The following ZAN variants were observed in gnomAD, a reference collection of about 807,000 sequenced individuals.
ZAN encodes zonadhesin (gene/pseudogene).
Under a neutral mutation model 286.2 loss-of-function variants are expected in ZAN, and 260 were observed. That is an observed-to-expected ratio of 0.91 (90% CI 0.82 to 1.01). ZAN has a LOEUF of 1.01. ZAN is among the 50% of genes least tolerant of loss of function. The pLI, the probability that ZAN is intolerant of heterozygous loss-of-function variation, is 0.00. For missense variants in ZAN, 3,410 were observed against 3,639.2 expected, an observed-to-expected ratio of 0.94 and a Z score of 1.62; for synonymous variants, 1,368 against 1,417.5, an observed-to-expected ratio of 0.97 and a Z score of 0.79.
Position 100,790,971 on chromosome 7 carries a change from C to T in ZAN, c.7387C>T (p.Leu2463Phe), listed in dbSNP as rs201718931. ...CTCCCTACCCAGCATGTACGAGGGG[C>T]TTGTGAGTGGCCTGTGCGGAAACTA... ...VISLPSMYEGLVSGLCGNYDK... is the reference protein window; with the variant it reads ...VISLPSMYEGFVSGLCGNYDK... The change falls in exon 40 of 48, where the codon CTT becomes TTT. Residue 2463 changes from leucine (L) to phenylalanine (F), a missense_variant. By Grantham distance (22) the Leu-to-Phe change is conservative. This residue lies in a region of ZAN where 1,289 missense variants were observed against 1,314.3 expected (regional missense o/e 0.98). Coordinates refer to ENST00000613979, the MANE Select transcript of ZAN (RefSeq NM_003386.3). The T allele has an allele frequency of 6.5e-4, 1,048 of 1,612,024 alleles. 1 individual carries two copies. Among genetic ancestry groups the T allele is most frequent in the Admixed American group, 1.1e-3 (63 of 59,730 alleles).
chr7:100,794,896 G>A (rs1812245956), intron 44 of ZAN, among the ~76,000 whole-genome samples: 1 of 150,714 alleles, frequency 6.6e-6, no homozygotes, highest in African/African-American at 2.4e-5. Context: ...AAGGAAGGGA[G>A]GGAGGAGAGG....
rs1171357883 is a variant in ZAN at position 100,751,250 on chromosome 7, T to C, written c.1590T>C (p.Asn530=). The C allele has an allele frequency of 6.2e-7, 1 of 1,604,028 alleles. No individual in the cohort carries two copies. The highest frequency in any genetic ancestry group is 8.5e-7 in the Non-Finnish European group (1 of 1,175,588). The change falls in exon 13 of 48, where the codon AAT becomes AAC. Residue 530 remains asparagine, a synonymous_variant. Coordinates refer to ENST00000613979, the MANE Select transcript of ZAN (RefSeq NM_003386.3). ...TTGCTATGGGTTTCATCTTGATCAA[T>C]CCTGGGACTTGTCCAGGTAAGACCA... The part of the protein sequence containing the change: ...SVVAMGFILI[N]PGTCPVKVLP...
At chr7:100,780,847 T>C (rs933234662) in intron 35 of ZAN, among the ~76,000 whole-genome samples, 1 of 151,866 alleles carries the variant, frequency 6.6e-6, no homozygotes, top group Non-Finnish European at 1.5e-5. Context: ...CCAAGCACTT[T>C]GGGAGTCCAA....
At chr7:100,796,051 G>A (rs1164510632) in intron 45 of ZAN, among the ~76,000 whole-genome samples, 1 of 152,090 alleles carries the variant, frequency 6.6e-6, no homozygotes, top group African/African-American at 2.4e-5. Flanking sequence ...CTGCGCTCCA[G>A]CCTGGGCGAC....
At chr7:100,768,778 G>C in intron 27 of ZAN, 57 bp downstream of exon 27, 1 of 1,462,104 alleles carries the variant, frequency 6.8e-7, no homozygotes, top group Non-Finnish European at 9.3e-7. Context: ...AAGGGCCTCG[G>C]GGGGCAGCTT....
intron 31 of ZAN, among the ~76,000 whole-genome samples, chr7:100,774,454 T>G (rs151046272): frequency 1.3e-5 from 2 of 152,168 alleles, no homozygotes; most frequent in African/African-American, 4.8e-5. Flanking sequence ...GAGAATCACT[T>G]GAGGCTAGTA....
rs374126158 is a variant in ZAN at position 100,790,334 on chromosome 7, A to C, written c.7358-608A>C. On this transcript the variant is annotated intron_variant, in intron 39 of 47. Transcript: ENST00000613979. ...TCCCAGCACTTTGGGAGGCCGAGGC[A>C]GGCAGATCACGAGGTCAGGAGATCG... Among the ~76,000 whole-genome samples the C allele has an allele frequency of 4.7e-3, 722 of 152,082 alleles. 5 individuals are homozygous for C. The highest frequency in any genetic ancestry group is 0.017 in the African/African-American group (700 of 41,500).
chr7:100,747,049 A>T (rs1390354795), intron 8 of ZAN, among the ~76,000 whole-genome samples: 1 of 151,936 alleles, frequency 6.6e-6, no homozygotes, highest in Non-Finnish European at 1.5e-5. Context: ...GCGCCACTGC[A>T]CTCCGGCCTG....
rs750654981 is a variant in ZAN at position 100,797,441 on chromosome 7, G to A, written c.8342G>A (p.Cys2781Tyr). ...VVVLLAVTRE[C>Y]IYRTRRKREK... ...GTACTACTGGCCGTGACCAGAGAGT[G>A]CATTTACAGAACGAGGAGGAAGAGG... is the stretch of plus-strand genomic sequence containing the variant. Residue 2781 changes from cysteine (C) to tyrosine (Y), a missense_variant, in exon 46 of 48, where the codon TGC becomes TAC. Physicochemically the swap from Cys to Tyr is radical, Grantham distance 194 (BLOSUM62 -2). Around this residue, in one of 7 missense-constraint regions of ZAN, gnomAD observed 1,289 missense variants for 1,314.3 expected, o/e 0.98. Coordinates refer to ENST00000613979, the MANE Select transcript of ZAN (RefSeq NM_003386.3). The A allele has an allele frequency of 9.9e-6, 16 of 1,613,992 alleles. No homozygotes were observed. The highest frequency in any genetic ancestry group is 1.6e-4 in the Middle Eastern group (1 of 6,062).
chr7:100,791,987 G>C lies in ZAN; in HGVS notation c.7551G>C (p.Glu2517Asp). Residue 2517 changes from glutamate to aspartate, a missense_variant, in exon 41 of 48, where the codon GAG (glutamate) becomes GAC (aspartate). Physicochemically the swap from Glu to Asp is conservative, Grantham distance 45. Transcript: ENST00000613979. The stretch of plus-strand genomic sequence containing the variant: ...GCAGGGCTATACCAGCGGAGGAGGA[G>C]GGACAAGGGGCGGAGCTGGGCCTCC... ...RFPRAIPAEE[E>D]GQGAELGLRT... 1 of 1,613,060 alleles carries C rather than the reference G, an allele frequency of 6.2e-7. No individual in the cohort carries two copies.
rs748165106 is a variant in ZAN, at chr7:100,773,388, C to T, written c.5529C>T (p.Pro1843=). The T allele has an allele frequency of 5.0e-6, 8 of 1,614,032 alleles. No homozygotes were observed. The Admixed American group carries it at 1.2e-4, about 24-fold the overall frequency. The change falls in exon 30 of 48, where the codon CCC becomes CCT. Residue 1843 remains proline, a synonymous_variant. Coordinates refer to ENST00000613979, the MANE Select transcript of ZAN (RefSeq NM_003386.3). ...CGAGGGACTGCCCCAAAGCACTGCCCTGTGCTGAGAGCTGTGAATGTCAGA... is the reference window on the plus strand; with the variant it reads ...CGAGGGACTGCCCCAAAGCACTGCCTTGTGCTGAGAGCTGTGAATGTCAGA... ...NNPRDCPKAL[P]CAESCECQKG...
In ZAN at chr7:100,786,092, C is replaced by T. The variant is rs1811548144; in HGVS notation, c.6930C>T (p.Ser2310=). The change falls in exon 37 of 48, where the codon TCC becomes TCT. Residue 2310 remains serine (S), a synonymous_variant. Transcript: ENST00000613979. ...QCGDFRCPSG[S]HCQLTSDNSN... is the part of the protein sequence containing the mutation. ...GGGACTTCCGATGCCCCTCTGGGTC[C>T]CACTGCCAGCTCACTTCCGACAACA... 1 of 1,614,028 alleles carries T rather than the reference C, an allele frequency of 6.2e-7. No homozygotes were observed. Among genetic ancestry groups the T allele is most frequent in the East Asian group, 2.2e-5 (1 of 44,886 alleles).
At chr7:100,788,193 AC>A in intron 38 of ZAN, 57 bp downstream of exon 38, 1 of 1,425,532 alleles carries the variant, frequency 7.0e-7, no homozygotes, top group Non-Finnish European at 9.2e-7. Flanking sequence ...CAGGTAGGCC[AC>A]CTGGAGTAGA....
In ZAN at chr7:100,797,498, T is replaced by G. The variant is rs762462141; in HGVS notation, c.8366+33T>G. On this transcript the variant is annotated intron_variant, in intron 46 of 47. Transcript: ENST00000613979. ...CTGGGAAGGAGAGAGGAAGGGCGGG[T>G]GGGGTGTGCAAACCGGGAAGCGGCT... 5.0e-6 allele frequency: 8 copies of G among 1,611,964 alleles called. No individual in the cohort carries two copies. In the South Asian group the frequency reaches 6.6e-5, roughly 13 times the overall value.
At position 100,758,619 on chromosome 7, in the gene ZAN, C is replaced by CA; in HGVS notation, c.3541dup (p.Ile1181AsnfsTer21). On this transcript the variant is annotated frameshift_variant, in exon 17 of 48. Coordinates refer to ENST00000613979, the MANE Select transcript of ZAN (RefSeq NM_003386.3). LOFTEE classifies it high-confidence loss of function. Reference sequence around the variant, plus strand: ...TTGGCTTCATGGGCAAGTGCACTTACATCTTGGCCCAGCCCTGTGGCAACT... The same window carrying CA: ...TTGGCTTCATGGGCAAGTGCACTTACAATCTTGGCCCAGCCCTGTGGCAACT... 1 of 1,559,440 alleles carries CA rather than the reference C, an allele frequency of 6.4e-7. No homozygotes were observed. The highest frequency in any genetic ancestry group is 8.7e-7 in the Non-Finnish European group (1 of 1,151,594).
chr7:100,765,161 C>T (rs999796205), intron 22 of ZAN, among the ~76,000 whole-genome samples, 191 bp from the exon 23 acceptor site: 2 of 152,192 alleles, frequency 1.3e-5, no homozygotes, highest in Admixed American at 6.5e-5. Context: ...TCAGGGCCGG[C>T]GCCTTAGTGC....
rs761658183 is a variant in ZAN, at chr7:100,765,399, T to C, written c.4315T>C (p.Cys1439Arg). The C allele has an allele frequency of 1.4e-5, 23 of 1,613,868 alleles. No homozygotes were observed. The highest frequency in any genetic ancestry group is 2.5e-6 in the Non-Finnish European group (3 of 1,179,882). The change falls in exon 23 of 48, where the codon TGC becomes CGC. Residue 1439 changes from cysteine to arginine, a missense_variant. Around this residue, in one of 7 missense-constraint regions of ZAN, gnomAD observed 1,042 missense variants for 1,058.0 expected, o/e 0.98. Coordinates refer to ENST00000613979, the MANE Select transcript of ZAN (RefSeq NM_003386.3). ...CAAGTACTCCCTGTGTGCGAAGCCA[T>C]GCCCTGACACCTGCCATTCAGGATT... ...NSKYSLCAKP[C>R]PDTCHSGFSG...
intron 15 of ZAN, among the ~76,000 whole-genome samples, chr7:100,757,595 A>C (rs1332179432): frequency 6.6e-6 from 1 of 151,782 alleles, no homozygotes; most frequent in Non-Finnish European, 1.5e-5. Flanking sequence ...TCTCTACTAA[A>C]AATACAAAAA....
Position 100,792,085 on chromosome 7 carries a change from T to C in ZAN, c.7649T>C (p.Leu2550Pro). 2 of 1,613,116 alleles carry C rather than the reference T, an allele frequency of 1.2e-6. No individual in the cohort carries two copies. The highest frequency in any genetic ancestry group is 1.7e-6 in the Non-Finnish European group (2 of 1,179,784). ...AACAGCACCCAGGCCTGTAGGGTGC[T>C]GGCAGACCCCCAGGGCCCCTTTGCT... ...ASNSTQACRVLADPQGPFAAC... is the reference protein window; with the variant it reads ...ASNSTQACRVPADPQGPFAAC... The change falls in exon 41 of 48, where the codon CTG becomes CCG. Residue 2550 changes from leucine to proline, a missense_variant. This residue lies in a region of ZAN where 1,289 missense variants were observed against 1,314.3 expected (regional missense o/e 0.98). Transcript: ENST00000613979.
Sources: allele counts gnomAD v4.1 joint callset (sites outside exome capture counted in the v4.1 genomes callset), GRCh38; gene constraint gnomAD v4.1.1; regional missense constraint gnomAD v4.1.1; transcripts MANE v1.5; gene names NCBI Gene and HGNC (gene_info 2026-07-23, HGNC 2026-07-21).